Variants in IL1RAPL2 observed in about 807,000 individuals in gnomAD.
The protein encoded by IL1RAPL2 is interleukin 1 receptor accessory protein like 2.
Under a neutral mutation model 44.1 loss-of-function variants are expected in IL1RAPL2, and 3 were observed. The ratio of observed to expected loss-of-function variants is 0.07; its 90% CI spans 0.03 to 0.18. The LOEUF is 0.18. Among genes scored for constraint, IL1RAPL2 ranks in the 10% least tolerant of loss-of-function variants. IL1RAPL2 has a pLI of 1.00. For synonymous variants in IL1RAPL2, 181 were observed against 178.8 expected (o/e 1.01, Z -0.10); for missense variants, 391 against 496.4 (o/e 0.79, Z 2.02).
At chrX:105,238,516 G>A (rs1396235953) in intron 4 of IL1RAPL2, among the ~76,000 whole-genome samples, 2 of 110,284 alleles carry the variant, frequency 1.8e-5, no homozygotes, top group Admixed American at 9.7e-5. Context: ...TTTTGTAAGG[G>A]TTAGAGTAGA....
In IL1RAPL2 at chrX:105,366,968, T is replaced by TATC. The variant is rs777372472; in HGVS notation, c.697+99428_697+99430dup. Among the ~76,000 whole-genome samples, 100 of 111,899 alleles carry TATC rather than the reference T, an allele frequency of 8.9e-4. No individual in the cohort carries two copies. The Middle Eastern group carries it at 0.018, about 20-fold the overall frequency. ...CTTCTGCTATTATTGAATTATAATT[T>TATC]ATCTCTCCATTTAGTTCTATATTTG... On this transcript the variant is annotated intron_variant, in intron 5 of 10. Coordinates refer to ENST00000372582, the MANE Select transcript of IL1RAPL2 (RefSeq NM_017416.2).
intron 3 of IL1RAPL2, among the ~76,000 whole-genome samples, chrX:105,215,418 C>T (rs991070983): frequency 1.8e-5 from 2 of 111,449 alleles, no homozygotes; most frequent in Non-Finnish European, 3.8e-5. Flanking sequence ...AGGAAGAAGT[C>T]GAATCCCTGA....
At chrX:104,605,809 A>G (rs988325144) in intron 1 of IL1RAPL2, among the ~76,000 whole-genome samples, 5 of 112,169 alleles carry the variant, frequency 4.5e-5, no homozygotes, top group African/African-American at 1.6e-4. Flanking sequence ...ACAAATTCTG[A>G]AATTGAGGCA....
At chrX:105,450,339 T>C (rs2036010748) in intron 5 of IL1RAPL2, among the ~76,000 whole-genome samples, 1 of 111,744 alleles carries the variant, frequency 8.9e-6, no homozygotes, top group Non-Finnish European at 1.9e-5. Flanking sequence ...GGTACTGTGA[T>C]TGTCCACCTG....
intron 2 of IL1RAPL2, among the ~76,000 whole-genome samples, chrX:104,793,516 G>A (rs1427061808): frequency 8.9e-6 from 1 of 112,069 alleles, no homozygotes; most frequent in African/African-American, 3.2e-5. Context: ...TTGATGATGT[G>A]TTTTTCTCAT....
At chrX:104,598,994 A>G (rs1928820733) in intron 1 of IL1RAPL2, among the ~76,000 whole-genome samples, 1 of 112,437 alleles carries the variant, frequency 8.9e-6, no homozygotes, top group Non-Finnish European at 1.9e-5. Context: ...GAGTAAAAGT[A>G]GATATACCAG....
At chrX:105,293,750 GA>G (rs1423488285) in intron 5 of IL1RAPL2, among the ~76,000 whole-genome samples, 12 of 108,742 alleles carry the variant, frequency 1.1e-4, no homozygotes, top group Non-Finnish European at 2.3e-4. Flanking sequence ...ATATAATTCT[GA>G]AAAAAAAATA....
At chrX:105,023,278 G>A (rs898764335) in intron 2 of IL1RAPL2, among the ~76,000 whole-genome samples, 2 of 110,647 alleles carry the variant, frequency 1.8e-5, no homozygotes, top group Admixed American at 9.7e-5. Context: ...CATTTCAGGG[G>A]TCTGAAACTT....
intron 2 of IL1RAPL2, among the ~76,000 whole-genome samples, chrX:104,797,901 G>A (rs995976131): frequency 5.4e-5 from 6 of 111,988 alleles, no homozygotes; most frequent in African/African-American, 9.8e-5. Context: ...CTTATTGCAC[G>A]CTCAGTATGG....
At chrX:104,814,366 A>G (rs1921079146) in intron 2 of IL1RAPL2, among the ~76,000 whole-genome samples, 1 of 112,099 alleles carries the variant, frequency 8.9e-6, no homozygotes, top group Non-Finnish European at 1.9e-5. Context: ...TTGATGATTT[A>G]TTGCATTGAA....
intron 4 of IL1RAPL2, among the ~76,000 whole-genome samples, chrX:105,234,806 TAAAA>T (rs368688495): frequency 3.0e-5 from 2 of 65,888 alleles, no homozygotes; most frequent in African/African-American, 1.2e-4. Context: ...AGACTCCATC[TAAAA>T]AAAAAAAAAA....
chrX:105,029,732 A>T (rs1277785496), intron 2 of IL1RAPL2, among the ~76,000 whole-genome samples: 3 of 110,947 alleles, frequency 2.7e-5, no homozygotes, highest in Non-Finnish European at 3.8e-5. Flanking sequence ...GTATCTTTAT[A>T]GCAGCATGAT....
intron 2 of IL1RAPL2, among the ~76,000 whole-genome samples, chrX:104,868,789 C>A (rs1922684296): frequency 8.9e-6 from 1 of 111,914 alleles, no homozygotes; most frequent in Non-Finnish European, 1.9e-5. Flanking sequence ...CACAAGTCAA[C>A]CTTGCACAGC....
chrX:104,782,354 A>G (rs1932779287), intron 2 of IL1RAPL2, among the ~76,000 whole-genome samples: 1 of 110,959 alleles, frequency 9.0e-6, no homozygotes, highest in South Asian at 3.9e-4. Context: ...TGTAGAAAAG[A>G]GAATGATCTG....
chrX:104,908,963 C>T (rs1370821544), intron 2 of IL1RAPL2, among the ~76,000 whole-genome samples: 6 of 110,614 alleles, frequency 5.4e-5, no homozygotes, highest in Non-Finnish European at 7.6e-5. Context: ...CCATTCTCCC[C>T]GTCACTTTCA....
At chrX:105,220,347 C>T in intron 3 of IL1RAPL2, 1 of 1,204,751 alleles carries the variant, frequency 8.3e-7, no homozygotes, top group East Asian at 3.0e-5. Flanking sequence ...TGAAGGCCAC[C>T]ACGTTGCTAT....
intron 2 of IL1RAPL2, among the ~76,000 whole-genome samples, chrX:104,959,755 C>A (rs2029969775): frequency 9.0e-6 from 1 of 111,001 alleles, no homozygotes; most frequent in African/African-American, 3.3e-5. Flanking sequence ...TCTAGCTTGA[C>A]AAAACATTGG....
chrX:105,241,639 A>G (rs1300478301), intron 4 of IL1RAPL2, among the ~76,000 whole-genome samples: 1 of 112,154 alleles, frequency 8.9e-6, no homozygotes, highest in Non-Finnish European at 1.9e-5. Context: ...TTTTCATTAA[A>G]TAGTAGATCA....
At chrX:104,931,998 T>TA (rs1924917003) in intron 2 of IL1RAPL2, among the ~76,000 whole-genome samples, 10 of 44,215 alleles carry the variant, frequency 2.3e-4, no homozygotes, top group African/African-American at 5.2e-4. Context: ...ATATATATAT[T>TA]TTTTTTTTTT....
Sources: allele counts gnomAD v4.1 joint callset (sites outside exome capture counted in the v4.1 genomes callset), GRCh38; gene constraint gnomAD v4.1.1; transcripts MANE v1.5; gene names NCBI Gene and HGNC (gene_info 2026-07-23, HGNC 2026-07-21).